ACOX3: variants seen among roughly 807,000 people sequenced by gnomAD.
The protein encoded by ACOX3 is acyl-CoA oxidase 3, pristanoyl.
Under a neutral mutation model 81.5 loss-of-function variants are expected in ACOX3, and 73 were observed. The ratio of observed to expected loss-of-function variants is 0.90; its 90% CI spans 0.74 to 1.09. The LOEUF (loss-of-function observed/expected upper bound fraction) is 1.09, where lower values mean the gene tolerates loss of function less well. ACOX3 is among the 50% of genes least tolerant of loss of function. The pLI, the probability that ACOX3 is intolerant of heterozygous loss-of-function variation, is 0.00. For synonymous variants in ACOX3, 387 were observed against 375.1 expected (o/e 1.03, Z -0.37); for missense variants, 947 against 928.0 (o/e 1.02, Z -0.27).
At chr4:8,396,859 C>G in intron 9 of ACOX3, 78 bp downstream of exon 9, 1 of 1,532,378 alleles carries the variant, frequency 6.5e-7, no homozygotes, top group Admixed American at 1.9e-5. Context: ...TCCCAGTAAC[C>G]AAACGGCAAC....
rs1721573119 is a variant in ACOX3 at position 8,410,252 on chromosome 4, G to C, written c.647C>G (p.Pro216Arg). 1.9e-6 allele frequency: 3 copies of C among 1,613,986 alleles called. No individual in the cohort carries two copies. The highest frequency in any genetic ancestry group is 2.5e-6 in the Non-Finnish European group (3 of 1,179,970). Residue 216 changes from proline to arginine, a missense_variant, in exon 6 of 18, where the codon CCA becomes CGA. Transcript: ENST00000356406. Reference sequence around the variant, plus strand: ...ATGCAGCCCATGGCACTGGTCCCCTGGCACACACAGCTTAGCAAACACCAC... The same window carrying C: ...ATGCAGCCCATGGCACTGGTCCCCTCGCACACACAGCTTAGCAAACACCAC... Reference protein sequence around the residue: ...HAVVFAKLCVPGDQCHGLHPF... With the variant: ...HAVVFAKLCVRGDQCHGLHPF...
At chr4:8,383,535 G>A (rs1233985579) in intron 13 of ACOX3, among the ~76,000 whole-genome samples, 2 of 152,198 alleles carry the variant, frequency 1.3e-5, no homozygotes, top group East Asian at 3.9e-4. Flanking sequence ...AAGAACTCCT[G>A]GAGCTGCCAG....
downstream of ACOX3, among the ~76,000 whole-genome samples, chr4:8,365,009 G>A (rs1715333514): frequency 6.6e-6 from 1 of 152,100 alleles, no homozygotes; most frequent in African/African-American, 2.4e-5. Flanking sequence ...GCTTAGAAAA[G>A]CTACAGGTCT....
chr4:8,379,340 T>C (rs950854068), intron 14 of ACOX3, among the ~76,000 whole-genome samples: 5 of 152,168 alleles, frequency 3.3e-5, no homozygotes, highest in Admixed American at 6.5e-5. Flanking sequence ...AAATGTCCCC[T>C]GCTCTTAAAA....
downstream of ACOX3, among the ~76,000 whole-genome samples, chr4:8,361,730 T>C (rs753297191): frequency 4.5e-4 from 68 of 152,324 alleles, no homozygotes; most frequent in South Asian, 2.1e-4. Context: ...CTGATTAAGT[T>C]TGAACACATT....
At position 8,382,339 on chromosome 4, in the gene ACOX3, C is replaced by T. The variant is rs1316615253; in HGVS notation, c.1538-732G>A. Among the ~76,000 whole-genome samples the T allele has an allele frequency of 6.6e-6, 1 of 152,200 alleles. No homozygotes were observed. Among genetic ancestry groups the T allele is most frequent in the African/African-American group, 2.4e-5 (1 of 41,444 alleles). On this transcript the variant is annotated intron_variant, in intron 13 of 17. Coordinates refer to ENST00000356406, the MANE Select transcript of ACOX3 (RefSeq NM_003501.3). The surrounding 1 kb of genome is among the most constrained non-coding windows in gnomAD (Gnocchi z 4.1). ...CAGCACAGCCAGAGCTGGCCTCCCACAGTACTCCGTATGGACCAGGCATGG... is the reference window on the plus strand; with the variant it reads ...CAGCACAGCCAGAGCTGGCCTCCCATAGTACTCCGTATGGACCAGGCATGG...
intron 17 of ACOX3, among the ~76,000 whole-genome samples, chr4:8,367,883 T>C (rs1560162411): frequency 1.4e-5 from 2 of 146,950 alleles, no homozygotes; most frequent in East Asian, 2.0e-4. Flanking sequence ...TTCTAGCTAC[T>C]TGGGAGGCTG....
chr4:8,407,592 C>A lies in ACOX3; in HGVS notation c.688-1549G>T, dbSNP rs1425402488. Among the ~76,000 whole-genome samples, 1 of 152,246 alleles carries A rather than the reference C, an allele frequency of 6.6e-6. No homozygotes were observed. Among genetic ancestry groups the A allele is most frequent in the Non-Finnish European group, 1.5e-5 (1 of 68,040 alleles). ...TGCTGTGGCAGCCATGAGAGACTAA[C>A]ACGGGGGCCGGTGCTGCCGGGAGGA... On this transcript the variant is annotated intron_variant, in intron 6 of 17. Transcript: ENST00000356406. This position sits in a 1 kb window ranked among gnomAD's most constrained non-coding sequence, Gnocchi z 4.6.
chr4:8,417,910 T>C (rs28591490), intron 1 of ACOX3, among the ~76,000 whole-genome samples: 1 of 152,158 alleles, frequency 6.6e-6, no homozygotes, highest in Non-Finnish European at 1.5e-5. Flanking sequence ...TAAGGGAATA[T>C]TGTGAACCAT....
chr4:8,407,797 G>A lies in ACOX3; in HGVS notation c.688-1754C>T, dbSNP rs531590373. Among the ~76,000 whole-genome samples the A allele has an allele frequency of 5.3e-5, 8 of 152,342 alleles. No individual in the cohort carries two copies. The highest frequency in any genetic ancestry group is 2.1e-4 in the South Asian group (1 of 4,834). ...TGGCTGCGCACTGTGGGAACTCGAC[G>A]GAAGGACGTGGAGCTTCATCCTTGG... On this transcript the variant is annotated intron_variant, in intron 6 of 17. Coordinates refer to ENST00000356406, the MANE Select transcript of ACOX3 (RefSeq NM_003501.3). The surrounding 1 kb of genome is among the most constrained non-coding windows in gnomAD (Gnocchi z 4.6).
At position 8,370,591 on chromosome 4, in the gene ACOX3, G is replaced by T. The variant is rs556673109; in HGVS notation, c.1983+317C>A. 6.6e-6 allele frequency among the ~76,000 whole-genome samples: 1 copy of T among 152,142 alleles called. No homozygotes were observed. The highest frequency in any genetic ancestry group is 2.4e-5 in the African/African-American group (1 of 41,516). On this transcript the variant is annotated intron_variant, in intron 17 of 17. Transcript: ENST00000356406. This position sits in a 1 kb window ranked among gnomAD's most constrained non-coding sequence, Gnocchi z 6.3. ...GTAAGACCTGGGACCGGGGAGGCCGGGGGGAGTGGGAGGAGGGCAGAGGTC... is the reference window on the plus strand; with the variant it reads ...GTAAGACCTGGGACCGGGGAGGCCGTGGGGAGTGGGAGGAGGGCAGAGGTC...
At chr4:8,375,218 G>A in intron 14 of ACOX3, 66 bp from the exon 15 acceptor site, 1 of 1,442,816 alleles carries the variant, frequency 6.9e-7, no homozygotes, top group Non-Finnish European at 9.3e-7. Context: ...CCCGGGGGAG[G>A]AAGTTCTCAG....
At chr4:8,378,787 C>T (rs62286002) in intron 14 of ACOX3, among the ~76,000 whole-genome samples, 4,116 of 152,352 alleles carry the variant, frequency 0.027, 70 homozygotes, top group South Asian at 0.038. Flanking sequence ...ATAGCAGTTA[C>T]TGGCAGGAGC....
rs535298963 is a variant in ACOX3, at chr4:8,407,024, A to T, written c.688-981T>A. On this transcript the variant is annotated intron_variant, in intron 6 of 17. Coordinates refer to ENST00000356406, the MANE Select transcript of ACOX3 (RefSeq NM_003501.3). This position sits in a 1 kb window ranked among gnomAD's most constrained non-coding sequence, Gnocchi z 4.6. The stretch of plus-strand genomic sequence containing the variant: ...TAGCAGGTGTTTTTCCTTGACACTT[A>T]TGCTACCGCTAGACCACGGTCTGCT... 9.9e-5 allele frequency among the ~76,000 whole-genome samples: 15 copies of T among 152,230 alleles called. No individual in the cohort carries two copies. The highest frequency in any genetic ancestry group is 1.6e-4 in the Non-Finnish European group (11 of 68,014).
At chr4:8,418,634 C>T (rs577949203) in intron 1 of ACOX3, among the ~76,000 whole-genome samples, 7 of 152,142 alleles carry the variant, frequency 4.6e-5, no homozygotes, top group African/African-American at 9.6e-5. Context: ...CCGAGACGGG[C>T]GGATCACCTG....
intron 14 of ACOX3, among the ~76,000 whole-genome samples, chr4:8,377,223 C>G (rs1368361184): frequency 6.6e-6 from 1 of 152,192 alleles, no homozygotes; most frequent in Non-Finnish European, 1.5e-5. Context: ...GAGAGGCCGT[C>G]CTTGAACCGA....
chr4:8,408,904 T>C (rs28506878), intron 6 of ACOX3, among the ~76,000 whole-genome samples: 4 of 30,558 alleles, frequency 1.3e-4, no homozygotes, highest in African/African-American at 3.7e-4. Flanking sequence ...GGGGGGGGGG[T>C]GGGGGGGGGG....
intron 6 of ACOX3, among the ~76,000 whole-genome samples, chr4:8,409,779 G>A (rs1721496111): frequency 6.7e-6 from 1 of 149,790 alleles, no homozygotes; most frequent in Non-Finnish European, 1.5e-5. Flanking sequence ...ACCGTGGGCA[G>A]GGCTATCTGT....
Position 8,430,757 on chromosome 4 carries a change from G to A in ACOX3, c.-15+9891C>T, listed in dbSNP as rs901552841. Among the ~76,000 whole-genome samples, 1 of 152,210 alleles carries A rather than the reference G, an allele frequency of 6.6e-6. No homozygotes were observed. The highest frequency in any genetic ancestry group is 2.4e-5 in the African/African-American group (1 of 41,442). On this transcript the variant is annotated intron_variant, in intron 1 of 17. Coordinates refer to ENST00000356406, the MANE Select transcript of ACOX3 (RefSeq NM_003501.3). The surrounding 1 kb of genome is among the most constrained non-coding windows in gnomAD (Gnocchi z 5.2). ...TGTAATCCCAGCTACTTGGGAGGCT[G>A]AGGCAAGAGAATCGCCTGAACGCAG... is the stretch of plus-strand genomic sequence containing the variant.
Sources: allele counts gnomAD v4.1 joint callset (sites outside exome capture counted in the v4.1 genomes callset), GRCh38; gene constraint gnomAD v4.1.1; non-coding constraint Gnocchi (gnomAD v3.1); transcripts MANE v1.5; gene names NCBI Gene and HGNC (gene_info 2026-07-23, HGNC 2026-07-21).